Variants in DACH2 observed in about 807,000 individuals in gnomAD.
DACH2 encodes the protein dachshund family transcription factor 2.
A neutral mutation model predicts 35.8 loss-of-function variants in DACH2; 17 were observed. The observed-to-expected ratio is 0.48, with a 90% CI of 0.33 to 0.71. The LOEUF is 0.71. Among genes scored for constraint, DACH2 ranks in the 30% least tolerant of loss-of-function variants. The pLI is 0.02. For synonymous variants in DACH2, 195 were observed against 177.3 expected, an observed-to-expected ratio of 1.10 and a Z score of -0.79; for missense variants, 469 against 472.7, an observed-to-expected ratio of 0.99 and a Z score of 0.07.
chrX:86,399,111 A>C (rs976183768), intron 2 of DACH2, among the ~76,000 whole-genome samples: 2 of 111,687 alleles, frequency 1.8e-5, no homozygotes, highest in Non-Finnish European at 3.8e-5. Context: ...CTTCATGTTG[A>C]ATTAATCCCT....
chrX:86,500,316 C>T (rs1368361035), intron 2 of DACH2, among the ~76,000 whole-genome samples: 1 of 111,270 alleles, frequency 9.0e-6, no homozygotes, highest in Non-Finnish European at 1.9e-5. Context: ...TTTCAGGGGA[C>T]AAGAACCAAA....
chrX:86,589,664 G>A (rs1391268895), intron 3 of DACH2, among the ~76,000 whole-genome samples: 1 of 111,319 alleles, frequency 9.0e-6, no homozygotes, highest in African/African-American at 3.3e-5. Flanking sequence ...ATATTACAGA[G>A]AATAGTTTGA....
At chrX:86,413,726 C>T (rs1301344140) in intron 2 of DACH2, among the ~76,000 whole-genome samples, 1 of 111,081 alleles carries the variant, frequency 9.0e-6, no homozygotes, top group Non-Finnish European at 1.9e-5. Context: ...CCTCACCCTA[C>T]CAGTCAGGGA....
At chrX:86,574,049 A>G (rs937257056) in intron 3 of DACH2, among the ~76,000 whole-genome samples, 1 of 111,892 alleles carries the variant, frequency 8.9e-6, no homozygotes, top group African/African-American at 3.2e-5. Context: ...AAATGACCGA[A>G]GTGTTTAGGA....
At chrX:86,479,058 G>A (rs1003582416) in intron 2 of DACH2, among the ~76,000 whole-genome samples, 2 of 110,786 alleles carry the variant, frequency 1.8e-5, no homozygotes, top group Admixed American at 1.9e-4. Flanking sequence ...GATGGGGTGG[G>A]AAGGTGGTCT....
intron 2 of DACH2, among the ~76,000 whole-genome samples, chrX:86,461,720 G>A (rs374538092): frequency 8.1e-5 from 9 of 111,212 alleles, no homozygotes; most frequent in African/African-American, 2.9e-4. Flanking sequence ...AGCAAAATGT[G>A]ACCATCTAAA....
At chrX:86,619,775 T>G (rs1334743789) in intron 3 of DACH2, among the ~76,000 whole-genome samples, 5 of 112,175 alleles carry the variant, frequency 4.5e-5, no homozygotes, top group Non-Finnish European at 9.4e-5. Flanking sequence ...TTCATCTAGT[T>G]ACTGTACCAT....
chrX:86,382,166 G>A (rs897198907), intron 2 of DACH2, among the ~76,000 whole-genome samples: 20 of 109,042 alleles, frequency 1.8e-4, no homozygotes, highest in African/African-American at 6.3e-4. Context: ...AAGGACACGA[G>A]CCCATGAAAT....
chrX:86,497,394 G>A (rs188362057), intron 2 of DACH2, among the ~76,000 whole-genome samples: 205 of 111,972 alleles, frequency 1.8e-3, no homozygotes, highest in African/African-American at 6.4e-3. Context: ...AGGAGCTGGA[G>A]AACTAAATGG....
intron 7 of DACH2, among the ~76,000 whole-genome samples, chrX:86,751,041 A>T (rs1399934073): frequency 9.0e-6 from 1 of 111,325 alleles, no homozygotes; most frequent in Admixed American, 9.6e-5. Flanking sequence ...ACATTGAGTG[A>T]CTGCACAATT....
In DACH2 at chrX:86,469,621, T is replaced by A. The variant is rs781239611; in HGVS notation, c.528-44658T>A. On this transcript the variant is annotated intron_variant, in intron 2 of 11. Transcript: ENST00000373125. ...AAAGTGATAAGTATTAGTAGTTACA[T>A]GAAGACATATTTTAGTGTCTTTCAT... is the stretch of plus-strand genomic sequence containing the variant. Among the ~76,000 whole-genome samples the A allele has an allele frequency of 1.3e-4, 14 of 111,216 alleles. No homozygotes were observed. In the South Asian group the frequency reaches 5.2e-3, roughly 42 times the overall value.
intron 2 of DACH2, among the ~76,000 whole-genome samples, chrX:86,406,074 G>T (rs1569383955): frequency 9.0e-6 from 1 of 111,526 alleles, no homozygotes; most frequent in African/African-American, 3.3e-5. Flanking sequence ...GGGGATTGTG[G>T]GAACTACAAT....
chrX:86,589,569 C>G (rs1471513293), intron 3 of DACH2, among the ~76,000 whole-genome samples: 1 of 111,129 alleles, frequency 9.0e-6, no homozygotes, highest in East Asian at 2.8e-4. Flanking sequence ...TAAATAAAGT[C>G]TATAATTTAT....
At chrX:86,289,993 C>T (rs2034243532) in intron 1 of DACH2, among the ~76,000 whole-genome samples, 1 of 100,221 alleles carries the variant, frequency 1.0e-5, no homozygotes, top group Non-Finnish European at 2.0e-5. Flanking sequence ...TGAGGAATCG[C>T]CACACTGACT....
chrX:86,614,305 T>C (rs1412128366), intron 3 of DACH2, among the ~76,000 whole-genome samples: 1 of 111,542 alleles, frequency 9.0e-6, no homozygotes, highest in Non-Finnish European at 1.9e-5. Flanking sequence ...AGCTTGTTAA[T>C]GGGGAGTAGA....
At chrX:86,355,239 T>A (rs191693750) in intron 1 of DACH2, among the ~76,000 whole-genome samples, 9 of 112,520 alleles carry the variant, frequency 8.0e-5, no homozygotes, top group Non-Finnish European at 1.5e-4. Context: ...CATGATCTTG[T>A]TCTTTTTATG....
chrX:86,686,308 C>A (rs150758105), intron 4 of DACH2, among the ~76,000 whole-genome samples: 5,866 of 110,744 alleles, frequency 0.053, 389 homozygotes, highest in African/African-American at 0.18. Flanking sequence ...TATCAGCTCA[C>A]TGCAACCTCT....
intron 1 of DACH2, among the ~76,000 whole-genome samples, chrX:86,259,410 G>A (rs1390101973): frequency 1.8e-5 from 2 of 111,504 alleles, no homozygotes; most frequent in Non-Finnish European, 3.8e-5. Context: ...GATTTATGGG[G>A]ATATAGATTG....
chrX:86,234,332 GC>G (rs1177348309), intron 1 of DACH2, among the ~76,000 whole-genome samples: 1 of 111,283 alleles, frequency 9.0e-6, no homozygotes, highest in Non-Finnish European at 1.9e-5. Context: ...TATAATTTCA[GC>G]TAACATTACT....
Sources: allele counts gnomAD v4.1 joint callset (sites outside exome capture counted in the v4.1 genomes callset), GRCh38; gene constraint gnomAD v4.1.1; transcripts MANE v1.5; gene names NCBI Gene and HGNC (gene_info 2026-07-23, HGNC 2026-07-21).